Variants in MXD3 observed in about 807,000 individuals in gnomAD.
MXD3 encodes Max-associated protein 3.
A neutral mutation model predicts 27.5 loss-of-function variants in MXD3; 20 were observed. The observed-to-expected ratio is 0.73, with a 90% CI of 0.51 to 1.06. The LOEUF (loss-of-function observed/expected upper bound fraction) is 1.06. Among genes scored for constraint, MXD3 ranks in the 50% least tolerant of loss-of-function variants. The pLI is 0.00. For synonymous variants in MXD3, 150 were observed against 130.7 expected (o/e 1.15, Z -1.01); for missense variants, 298 against 291.3 (o/e 1.02, Z -0.17).
chr5:177,307,803 AGAG>A lies in MXD3; in HGVS notation c.480_482del (p.Ser161del), dbSNP rs776524944. 4 of 1,613,098 alleles carry A rather than the reference AGAG, an allele frequency of 2.5e-6. No individual in the cohort carries two copies. The highest frequency in any genetic ancestry group is 2.5e-6 in the Non-Finnish European group (3 of 1,179,784). ...CACCTTGGTCTGAGTCTGAGCGCTCAGAGGAGAGGCCTGAGGAGTCCAGACTGT... is the reference window on the plus strand; with the variant it reads ...CACCTTGGTCTGAGTCTGAGCGCTCAGAGAGGCCTGAGGAGTCCAGACTGT... On this transcript the variant is annotated inframe_deletion, in exon 5 of 6. Coordinates refer to ENST00000439742, the MANE Select transcript of MXD3 (RefSeq NM_031300.4).
chr5:177,305,756 A>G, downstream of MXD3: 1 of 836,342 alleles, frequency 1.2e-6, no homozygotes, highest in South Asian at 1.6e-5. Context: ...AGTCAGGGGA[A>G]GGAATGGATT....
Position 177,307,711 on chromosome 5 carries a change from G to A in MXD3, c.506-8C>T. On this transcript the variant is annotated splice_polypyrimidine_tract_variant and splice_region_variant and intron_variant, in intron 5 of 5. Transcript: ENST00000439742. ...CATCCACCTCCAGCTCCTCTGCGCG[G>A]GGAGGGGTCCGGTCAGAAGACCTGG... 1.2e-6 allele frequency: 2 copies of A among 1,613,758 alleles called. No individual in the cohort carries two copies. Among genetic ancestry groups the A allele is most frequent in the Non-Finnish European group, 1.7e-6 (2 of 1,179,940 alleles).
chr5:177,306,090 C>G (rs191305488), downstream of MXD3: 2 of 1,609,732 alleles, frequency 1.2e-6, no homozygotes, highest in Admixed American at 1.7e-5. Flanking sequence ...ATTCTCATCT[C>G]ATGCCAGGAA....
chr5:177,308,129 GC>G, intron 4 of MXD3, 165 bp from the exon 5 acceptor site: 1 of 645,306 alleles, frequency 1.5e-6, no homozygotes. Flanking sequence ...CCTCCAGAAA[GC>G]CAGCCCCTTT....
At chr5:177,309,911 G>T (rs962169037) in intron 4 of MXD3, among the ~76,000 whole-genome samples, 1 of 152,236 alleles carries the variant, frequency 6.6e-6, no homozygotes, top group Admixed American at 6.5e-5. Flanking sequence ...GGAGCCCTGG[G>T]AGGACCAGTG....
At chr5:177,312,695 G>T (rs1291864263), upstream of MXD3, 1 of 985,378 alleles carries the variant, frequency 1.0e-6, no homozygotes, top group African/African-American at 1.7e-5. Flanking sequence ...CTACGAAAAC[G>T]TCAGTGGGGT....
downstream of MXD3, chr5:177,306,867 AG>A: frequency 1.4e-6 from 1 of 723,776 alleles, no homozygotes; most frequent in Non-Finnish European, 2.2e-6. Context: ...AAGCCCGACA[AG>A]GGCAGGGCTT....
intron 4 of MXD3, 71 bp downstream of exon 4, chr5:177,310,355 C>A (rs1761004189): frequency 7.9e-7 from 1 of 1,262,146 alleles, no homozygotes; most frequent in South Asian, 1.4e-5. Context: ...TCCCCAGTCC[C>A]ACCAGCCCCT....
In MXD3 at chr5:177,307,221, G is replaced by T. The variant is rs1222385445; in HGVS notation, c.*367C>A. 7 of 1,551,566 alleles carry T rather than the reference G, an allele frequency of 4.5e-6. No homozygotes were observed. The highest frequency in any genetic ancestry group is 6.1e-6 in the Non-Finnish European group (7 of 1,146,990). ...CTATGGACGGGAAGTTATGAAAGAG[G>T]CTTTTAATGAAAATACTGTACAGTT... On this transcript the variant is annotated 3_prime_UTR_variant, in exon 6 of 6. Coordinates refer to ENST00000439742, the MANE Select transcript of MXD3 (RefSeq NM_031300.4).
downstream of MXD3, chr5:177,306,147 G>A (rs751534749): frequency 6.2e-7 from 1 of 1,613,930 alleles, no homozygotes; most frequent in Admixed American, 1.7e-5. Context: ...ACTATGAAGG[G>A]TTTTGAATAT....
downstream of MXD3, chr5:177,307,077 AGTT>A (rs758595877): frequency 2.0e-6 from 3 of 1,467,534 alleles, no homozygotes; most frequent in Admixed American, 2.7e-5. Context: ...AACAGCCTCA[AGTT>A]GTGAGAATTA....
chr5:177,311,380 G>GC lies in MXD3; in HGVS notation c.174dup (p.Arg59AlafsTer6). Reference sequence around the variant, plus strand: ...TCCCGCCGCCCCCGGCCTCCTCACCGCCCGCTGTCCTGCGCGCCAGGAGCC... The same window carrying GC: ...TCCCGCCGCCCCCGGCCTCCTCACCGCCCCGCTGTCCTGCGCGCCAGGAGCC... On this transcript the variant is annotated frameshift_variant and splice_region_variant, in exon 2 of 6. Coordinates refer to ENST00000439742, the MANE Select transcript of MXD3 (RefSeq NM_031300.4). LOFTEE classifies it high-confidence loss of function. The GC allele has an allele frequency of 9.2e-7, 1 of 1,091,444 alleles. No homozygotes were observed. 67.6% of individuals were successfully genotyped at this position (1,091,444 alleles called of 1,614,324 possible). A position where few individuals can be genotyped will look rare whatever the true frequency, so the allele number is the denominator to read the frequency against.
intron 2 of MXD3, chr5:177,311,017 G>A: frequency 3.5e-6 from 2 of 568,890 alleles, no homozygotes; most frequent in Non-Finnish European, 6.3e-6. Flanking sequence ...GGTACTGGAG[G>A]GAGGGGCATT....
downstream of MXD3, chr5:177,306,925 A>G (rs1760894504): frequency 4.8e-6 from 4 of 827,018 alleles, no homozygotes; most frequent in Middle Eastern, 3.4e-4. Context: ...CATAATAGAC[A>G]CTCAATAAAT....
intron 3 of MXD3, 31 bp from the exon 4 acceptor site, chr5:177,310,571 AG>A: frequency 6.2e-7 from 1 of 1,611,354 alleles, no homozygotes; most frequent in Non-Finnish European, 8.5e-7. Context: ...GGGCAGTGCC[AG>A]CCCCACCTTG....
In MXD3 at chr5:177,311,385, C is replaced by G. The variant is rs1761034599; in HGVS notation, c.170G>C (p.Ser57Thr). 6.9e-7 allele frequency: 1 copy of G among 1,440,800 alleles called. No homozygotes were observed. The highest frequency in any genetic ancestry group is 9.0e-7 in the Non-Finnish European group (1 of 1,104,978). 89.3% of individuals were successfully genotyped at this position (1,440,800 alleles called of 1,614,324 possible). Residue 57 changes from serine (S) to threonine (T), a missense_variant, in exon 2 of 6, where the codon AGC becomes ACC. Ser to Thr is a moderately conservative substitution (Grantham distance 58). Coordinates refer to ENST00000439742, the MANE Select transcript of MXD3 (RefSeq NM_031300.4). ...CCGCCCCCGGCCTCCTCACCGCCCG[C>G]TGTCCTGCGCGCCAGGAGCCTGGGG... Reference protein sequence around the residue: ...RPPQAPGAQDSGRSVHNELEK... With the variant: ...RPPQAPGAQDTGRSVHNELEK...
At position 177,307,816 on chromosome 5, in the gene MXD3, G is replaced by C. The variant is rs1760925333; in HGVS notation, c.470C>G (p.Ser157Ter). ...ERLRADSLDS[S>*]GLSSERSDSD... ...GTCTGAGCGCTCAGAGGAGAGGCCT[G>C]AGGAGTCCAGACTGTCCGCCCGCAG... Residue 157 changes from serine to a stop codon, truncating the protein, a stop_gained, in exon 5 of 6, where the codon TCA (serine) becomes TGA (stop). Coordinates refer to ENST00000439742, the MANE Select transcript of MXD3 (RefSeq NM_031300.4). LOFTEE classifies it high-confidence loss of function. 6.2e-7 allele frequency: 1 copy of C among 1,612,774 alleles called. No homozygotes were observed. The highest frequency in any genetic ancestry group is 8.5e-7 in the Non-Finnish European group (1 of 1,179,710).
upstream of MXD3, chr5:177,312,124 T>G: frequency 9.1e-7 from 1 of 1,094,366 alleles, no homozygotes; most frequent in Non-Finnish European, 1.1e-6. Context: ...GGCTAACCGG[T>G]GCTGCTTCTT....
upstream of MXD3, chr5:177,311,928 C>T: frequency 7.0e-7 from 1 of 1,424,674 alleles, no homozygotes; most frequent in Non-Finnish European, 9.3e-7. Context: ...GCAACAAACA[C>T]AGGGGCCCGC....
Sources: gnomAD v4.1 joint callset for allele counts (sites outside exome capture counted in the v4.1 genomes callset) on GRCh38, gnomAD v4.1.1 for gene constraint, MANE v1.5 for transcripts, NCBI Gene and HGNC (gene_info 2026-07-23, HGNC 2026-07-21) for gene names.